SH3RF3: variants seen among roughly 807,000 people sequenced by gnomAD.
SH3RF3 encodes the protein SH3 domain containing ring finger 3, also known as E3 ubiquitin-protein ligase SH3RF3.
Under a neutral mutation model 66.3 loss-of-function variants are expected in SH3RF3, and 29 were observed. That is an observed-to-expected ratio of 0.44 (90% confidence interval 0.33 to 0.60). The LOEUF (loss-of-function observed/expected upper bound fraction) is 0.60, where lower values mean the gene tolerates loss of function less well. Among genes scored for constraint, SH3RF3 ranks in the 20% least tolerant of loss-of-function variants. The pLI is 0.04. For missense variants in SH3RF3, 1,194 were observed against 1,190.9 expected (o/e 1.00, Z -0.04); for synonymous variants, 583 against 532.0 (o/e 1.10, Z -1.32).
At chr2:109,163,600 C>A (rs185559199) in intron 1 of SH3RF3, among the ~76,000 whole-genome samples, 6 of 151,382 alleles carry the variant, frequency 4.0e-5, no homozygotes, top group African/African-American at 1.5e-4. Context: ...GGGGTTTCAC[C>A]GTTTTAGCCG....
intron 1 of SH3RF3, among the ~76,000 whole-genome samples, chr2:109,207,974 T>C (rs1370568482): frequency 6.6e-6 from 1 of 152,174 alleles, no homozygotes; most frequent in Admixed American, 6.5e-5. Flanking sequence ...AGTTGAGCAT[T>C]CCCCCTCCCC....
intron 1 of SH3RF3, among the ~76,000 whole-genome samples, chr2:109,165,692 G>T (rs1429891357): frequency 6.6e-6 from 1 of 152,186 alleles, no homozygotes; most frequent in South Asian, 2.1e-4. Flanking sequence ...GTCCCCCATG[G>T]CCTGGTGGTA....
chr2:109,212,064 A>G (rs10153840), intron 1 of SH3RF3, among the ~76,000 whole-genome samples: 6,812 of 152,242 alleles, frequency 0.045, 498 homozygotes, highest in African/African-American at 0.15. Flanking sequence ...TTCCAGGGAG[A>G]TAGCGAAACT....
chr2:109,274,397 G>C (rs562189442), intron 1 of SH3RF3, among the ~76,000 whole-genome samples: 73 of 152,324 alleles, frequency 4.8e-4, no homozygotes, highest in African/African-American at 1.4e-3. Context: ...GTCTATCAGT[G>C]GATGAGTGGA....
At chr2:109,271,911 C>T (rs766857840) in intron 1 of SH3RF3, among the ~76,000 whole-genome samples, 2 of 152,244 alleles carry the variant, frequency 1.3e-5, no homozygotes, top group Non-Finnish European at 2.9e-5. Flanking sequence ...CCGCTACGCA[C>T]ACACACTCAC....
intron 4 of SH3RF3, among the ~76,000 whole-genome samples, chr2:109,400,453 ATGCACACACATACACATG>A (rs1339375046): frequency 6.6e-6 from 1 of 152,016 alleles, no homozygotes; most frequent in Non-Finnish European, 1.5e-5. Flanking sequence ...CCCCTTCCAC[ATGCACACACATACACATG>A]TGCACACACA....
At chr2:109,130,403 T>C (rs1676662440) in intron 1 of SH3RF3, among the ~76,000 whole-genome samples, 2 of 152,182 alleles carry the variant, frequency 1.3e-5, no homozygotes, top group African/African-American at 4.8e-5. Context: ...CTCTTAAACT[T>C]AGCATCGCCC....
chr2:109,353,180 C>T (rs1054968807), intron 2 of SH3RF3, among the ~76,000 whole-genome samples: 8 of 152,234 alleles, frequency 5.3e-5, no homozygotes, highest in Non-Finnish European at 1.0e-4. Flanking sequence ...TCCTTGCTCC[C>T]TCAAGGGCCT....
chr2:109,241,708 G>A (rs1378978938), intron 1 of SH3RF3, among the ~76,000 whole-genome samples: 2 of 151,924 alleles, frequency 1.3e-5, no homozygotes, highest in Non-Finnish European at 2.9e-5. Flanking sequence ...CCTCTTCTCT[G>A]GCTTCTGTAT....
chr2:109,423,142 C>A (rs538967406), intron 5 of SH3RF3, among the ~76,000 whole-genome samples: 2 of 152,192 alleles, frequency 1.3e-5, no homozygotes, highest in African/African-American at 4.8e-5. Flanking sequence ...CCAGATGGCA[C>A]CTGAGGGACC....
intron 1 of SH3RF3, among the ~76,000 whole-genome samples, chr2:109,218,727 T>G (rs1185903496): frequency 6.6e-6 from 1 of 152,366 alleles, no homozygotes; most frequent in African/African-American, 2.4e-5. Flanking sequence ...TTTGGCACTT[T>G]GTTCTCTAAG....
chr2:109,398,843 C>T lies in SH3RF3; in HGVS notation c.1199C>T (p.Ser400Phe). The T allele has an allele frequency of 6.2e-7, 1 of 1,613,952 alleles. No homozygotes were observed. The highest frequency in any genetic ancestry group is 8.5e-7 in the Non-Finnish European group (1 of 1,179,890). ...TCCCAGGCTGCCAGCCACAGGCATT[C>T]CATGGAAATTAGTGCTCCAGTGTTG... ...RSSQAASHRH[S>F]MEISAPVLIS... Residue 400 changes from serine (S) to phenylalanine (F), a missense_variant, in exon 4 of 10, where the codon TCC becomes TTC. By Grantham distance (155) the Ser-to-Phe change is radical. Transcript: ENST00000309415.
chr2:109,161,760 T>C (rs767898932), intron 1 of SH3RF3, among the ~76,000 whole-genome samples: 33 of 151,792 alleles, frequency 2.2e-4, no homozygotes, highest in Non-Finnish European at 4.4e-4. Flanking sequence ...GGGGAACTAG[T>C]AGAGCAAGAG....
At chr2:109,471,848 T>A (rs965706814) in intron 8 of SH3RF3, among the ~76,000 whole-genome samples, 10 of 152,174 alleles carry the variant, frequency 6.6e-5, no homozygotes, top group Non-Finnish European at 1.3e-4. Context: ...TTTTCCACAC[T>A]CTATTTGCTG....
chr2:109,428,118 G>A (rs1677086618), intron 5 of SH3RF3, among the ~76,000 whole-genome samples: 1 of 152,230 alleles, frequency 6.6e-6, no homozygotes. Flanking sequence ...GATGGAAGAG[G>A]TGAGGAGGAA....
In SH3RF3 at chr2:109,369,609, A is replaced by G. The variant is rs552564942; in HGVS notation, c.850-1977A>G. The stretch of plus-strand genomic sequence containing the variant: ...GAGGATGGGGAAAGTGAGGGGTGTG[A>G]TTGCCTCTGGTGGCCCCCACGCTCT... On this transcript the variant is annotated intron_variant, in intron 2 of 9. Transcript: ENST00000309415. Among the ~76,000 whole-genome samples, 32 of 152,250 alleles carry G rather than the reference A, an allele frequency of 2.1e-4. No homozygotes were observed. The East Asian group carries it at 4.6e-3, about 22-fold the overall frequency.
At chr2:109,285,930 G>C (rs1681020488) in intron 1 of SH3RF3, among the ~76,000 whole-genome samples, 1 of 152,136 alleles carries the variant, frequency 6.6e-6, no homozygotes, top group Admixed American at 6.5e-5. Context: ...CACTCACCCG[G>C]TTTTCCTCTT....
At chr2:109,154,365 G>C (rs1677289343) in intron 1 of SH3RF3, among the ~76,000 whole-genome samples, 1 of 152,178 alleles carries the variant, frequency 6.6e-6, no homozygotes, top group African/African-American at 2.4e-5. Flanking sequence ...GGAAGCTTCT[G>C]GGTAGGGAGT....
intron 1 of SH3RF3, among the ~76,000 whole-genome samples, chr2:109,252,846 A>G (rs1680127375): frequency 6.6e-6 from 1 of 152,190 alleles, no homozygotes; most frequent in Non-Finnish European, 1.5e-5. Context: ...AACACTGGTT[A>G]TATAGGTATG....
Sources: gnomAD v4.1 joint callset for allele counts (sites outside exome capture counted in the v4.1 genomes callset) on GRCh38, gnomAD v4.1.1 for gene constraint, MANE v1.5 for transcripts, NCBI Gene and HGNC (gene_info 2026-07-23, HGNC 2026-07-21) for gene names.